BMP1: variants seen among roughly 807,000 people sequenced by gnomAD.
BMP1 encodes the protein bone morphogenetic protein 1.
In BMP1, 63 loss-of-function variants were observed where a neutral mutation model predicts 116.8. That is an observed-to-expected ratio of 0.54 (90% CI 0.44 to 0.67). The LOEUF (loss-of-function observed/expected upper bound fraction) is 0.67, where lower values mean the gene tolerates loss of function less well. Ranked by LOEUF, BMP1 falls within the 30% of genes least tolerant of loss-of-function variation. The pLI is 0.00. For synonymous variants in BMP1, 536 were observed against 533.4 expected (o/e 1.00, Z -0.07); for missense variants, 1,183 against 1,358.9 (o/e 0.87, Z 2.04).
At chr8:22,209,842 A>G in intron 19 of BMP1, 147 bp downstream of exon 19, 1 of 893,756 alleles carries the variant, frequency 1.1e-6, no homozygotes, top group Non-Finnish European at 1.7e-6. Flanking sequence ...GTGGGAGCCC[A>G]GAAGCCCAGC....
At chr8:22,207,184 C>A in intron 17 of BMP1, 119 bp from the exon 18 acceptor site, 1 of 1,386,038 alleles carries the variant, frequency 7.2e-7, no homozygotes, top group Non-Finnish European at 1.0e-6. Context: ...CCTTCACTGT[C>A]ATCCCCAGCT....
intron 9 of BMP1, among the ~76,000 whole-genome samples, chr8:22,193,770 C>T (rs755129590): frequency 3.9e-5 from 6 of 152,084 alleles, no homozygotes; most frequent in Admixed American, 6.6e-5. Flanking sequence ...GGTGACAGAG[C>T]GAGACTCCAT....
chr8:22,207,601 G>A, intron 18 of BMP1, 85 bp downstream of exon 18: 1 of 1,476,564 alleles, frequency 6.8e-7, no homozygotes, highest in Non-Finnish European at 9.2e-7. Flanking sequence ...GGGTATGAAG[G>A]TACAGAGGGA....
chr8:22,211,088 T>G (rs912997233), intron 19 of BMP1, among the ~76,000 whole-genome samples: 12 of 151,938 alleles, frequency 7.9e-5, no homozygotes, highest in Non-Finnish European at 1.5e-4. Context: ...AGTCCAGGCC[T>G]GGGGGGCACT....
At position 22,207,493 on chromosome 8, in the gene BMP1, G is replaced by A; in HGVS notation, c.2552G>A (p.Gly851Asp). 1.2e-6 allele frequency: 2 copies of A among 1,613,558 alleles called. No individual in the cohort carries two copies. The highest frequency in any genetic ancestry group is 1.7e-6 in the Non-Finnish European group (2 of 1,180,020). The change falls in exon 18 of 20, where the codon GGC becomes GAC. Residue 851 changes from glycine to aspartate, a missense_variant. Physicochemically the swap from Gly to Asp is moderately conservative, Grantham distance 94. Around this residue, in one of 4 missense-constraint regions of BMP1, gnomAD observed 956 missense variants for 1,135.2 expected, o/e 0.84. Transcript: ENST00000306385. The part of the protein sequence containing the change: ...FYSDNSVQRK[G>D]FQASHATECG... ...TCAGATAACTCGGTCCAGCGAAAGG[G>A]CTTCCAGGCCTCCCACGCCACAGGT...
chr8:22,195,909 A>G (rs1471079426), intron 13 of BMP1, among the ~76,000 whole-genome samples: 1 of 152,054 alleles, frequency 6.6e-6, no homozygotes, highest in Non-Finnish European at 1.5e-5. Context: ...TCGGCCTCCC[A>G]AAGTGCTGGG....
At chr8:22,185,217 C>T (rs1419550583) in intron 8 of BMP1, among the ~76,000 whole-genome samples, 5 of 152,006 alleles carry the variant, frequency 3.3e-5, no homozygotes, top group Admixed American at 3.3e-4. Context: ...TTTGGGAGGT[C>T]GAGGCGGGTG....
intron 16 of BMP1, among the ~76,000 whole-genome samples, chr8:22,202,189 C>T (rs923986693): frequency 3.9e-5 from 6 of 152,232 alleles, no homozygotes; most frequent in African/African-American, 1.4e-4. Context: ...CTAGTTTGTG[C>T]TTCTTAAAAC....
rs76049738 is a variant in BMP1, at chr8:22,175,102, G to A, written c.263-1041G>A. Among the ~76,000 whole-genome samples the A allele has an allele frequency of 6.6e-5, 10 of 152,334 alleles. No homozygotes were observed. The East Asian group carries it at 1.9e-3, about 29-fold the overall frequency. On this transcript the variant is annotated intron_variant, in intron 2 of 19. Transcript: ENST00000306385. ...TGGCCTGCTAACAAGTAAGGCTCAT[G>A]TGACCTTAGTGGGGACTAGTAGGTA...
rs1829463250 is a variant in BMP1, at chr8:22,211,621, G to A, written c.2854G>A (p.Asp952Asn). The A allele has an allele frequency of 6.2e-7, 1 of 1,614,086 alleles. No individual in the cohort carries two copies. ...GPPEEVYSAG[D>N]SVLVKFHSDD... ...TCCTGAGGAGGTGTACTCGGCGGGAGATTCTGTCCTGGTGAAGTTCCACTC... is the reference window on the plus strand; with the variant it reads ...TCCTGAGGAGGTGTACTCGGCGGGAAATTCTGTCCTGGTGAAGTTCCACTC... The change falls in exon 20 of 20, where the codon GAT (aspartate) becomes AAT (asparagine). Residue 952 changes from aspartate (D) to asparagine (N), a missense_variant. Physicochemically the swap from Asp to Asn is conservative, Grantham distance 23 (BLOSUM62 1). Coordinates refer to ENST00000306385, the MANE Select transcript of BMP1 (RefSeq NM_006129.5).
Position 22,207,011 on chromosome 8 carries a change from G to A in BMP1, c.2361+30G>A, listed in dbSNP as rs10095488. 2.6e-3 allele frequency: 4,183 copies of A among 1,612,148 alleles called. 86 individuals are homozygous for A. In the African/African-American group the frequency reaches 0.049, roughly 19 times the overall value. ...GGGGTCCCCTCCCCACTCCTTATGC[G>A]GTGTGGCTGCCCCCGGTCAGAGGCA... On this transcript the variant is annotated intron_variant, in intron 17 of 19. Transcript: ENST00000306385.
At chr8:22,166,250 G>A (rs1482706120) in intron 1 of BMP1, among the ~76,000 whole-genome samples, 1 of 152,054 alleles carries the variant, frequency 6.6e-6, no homozygotes, top group Non-Finnish European at 1.5e-5. Context: ...CCCCGCCAAG[G>A]CCAAGTTGGG....
intron 9 of BMP1, chr8:22,192,408 T>C: frequency 2.5e-6 from 1 of 399,260 alleles, no homozygotes; most frequent in African/African-American, 2.0e-5. Context: ...AAGTTGGCTG[T>C]CACCCTACGG....
chr8:22,200,133 C>G (rs1462133397), intron 15 of BMP1, among the ~76,000 whole-genome samples: 1 of 152,198 alleles, frequency 6.6e-6, no homozygotes, highest in African/African-American at 2.4e-5. Flanking sequence ...GCCAGGCACA[C>G]CATCCTCCAA....
intron 8 of BMP1, among the ~76,000 whole-genome samples, chr8:22,188,188 T>G (rs1302272588): frequency 2.0e-5 from 3 of 150,486 alleles, no homozygotes; most frequent in Non-Finnish European, 3.0e-5. Context: ...TTTTTTTTTT[T>G]TTTTTTTTTT....
At position 22,176,184 on chromosome 8, in the gene BMP1, G is replaced by T. The variant is rs984549151; in HGVS notation, c.304G>T (p.Gly102Trp). ...TACCCCCAGCTGCCAGAGCACCAAC[G>T]GGCAGCCTCAGAGGGGAGCCTGTGG... ...TSTPSCQSTN[G>W]QPQRGACGRW... Residue 102 changes from glycine (G) to tryptophan (W), a missense_variant, in exon 3 of 20, where the codon GGG becomes TGG. Physicochemically the swap from Gly to Trp is radical, Grantham distance 184. Transcript: ENST00000306385. 9.9e-6 allele frequency: 16 copies of T among 1,614,034 alleles called. No individual in the cohort carries two copies. The highest frequency in any genetic ancestry group is 1.3e-5 in the Non-Finnish European group (15 of 1,180,042).
At chr8:22,195,410 C>T in intron 12 of BMP1, 52 bp from the exon 13 acceptor site, 1 of 1,561,454 alleles carries the variant, frequency 6.4e-7, no homozygotes. Flanking sequence ...TCACAGCCAG[C>T]TTCTTCCCTT....
chr8:22,168,417 T>C (rs956252553), intron 1 of BMP1, among the ~76,000 whole-genome samples: 59 of 152,098 alleles, frequency 3.9e-4, no homozygotes, highest in Non-Finnish European at 5.9e-5. Flanking sequence ...AGGCAGGAAT[T>C]GGGACACAGT....
chr8:22,191,989 G>A (rs1400653630), intron 8 of BMP1, 60 bp from the exon 9 acceptor site: 7 of 1,462,114 alleles, frequency 4.8e-6, no homozygotes, highest in Admixed American at 3.4e-5. Flanking sequence ...TCATGGGGCT[G>A]GCAGAGGGCT....
Sources: gnomAD v4.1 joint callset for allele counts (sites outside exome capture counted in the v4.1 genomes callset) on GRCh38, gnomAD v4.1.1 for gene constraint, gnomAD v4.1.1 regional missense constraint, MANE v1.5 for transcripts, NCBI Gene and HGNC (gene_info 2026-07-23, HGNC 2026-07-21) for gene names.